The following STARD3NL variants were observed in gnomAD, a reference collection of about 807,000 sequenced individuals.
STARD3NL encodes STARD3 N-terminal like, also known as STARD3 N-terminal-like protein.
In STARD3NL, 17 loss-of-function variants were observed where a neutral mutation model predicts 30.9. The observed-to-expected ratio is 0.55, with a 90% CI of 0.38 to 0.82. The LOEUF is 0.82. Ranked by LOEUF, STARD3NL falls within the 40% of genes least tolerant of loss-of-function variation. The pLI is 0.00. For missense variants in STARD3NL, 234 were observed against 277.6 expected (o/e 0.84, Z 1.12); for synonymous variants, 112 against 100.5 (o/e 1.11, Z -0.69).
intron 7 of STARD3NL, among the ~76,000 whole-genome samples, chr7:38,226,912 T>C (rs1786803836): frequency 6.6e-6 from 1 of 152,138 alleles, no homozygotes; most frequent in South Asian, 2.1e-4. Flanking sequence ...TACTGGGAGG[T>C]TGGAGAAGAA....
At chr7:38,229,643 A>AT (rs1317603454) in intron 8 of STARD3NL, among the ~76,000 whole-genome samples, 6 of 152,322 alleles carry the variant, frequency 3.9e-5, no homozygotes, top group African/African-American at 1.4e-4. Flanking sequence ...GTCACGGCGC[A>AT]TGGAGCCCCA....
chr7:38,221,989 T>G (rs1438288721), intron 7 of STARD3NL, among the ~76,000 whole-genome samples: 1 of 152,200 alleles, frequency 6.6e-6, no homozygotes, highest in Non-Finnish European at 1.5e-5. Context: ...AGAACATCCT[T>G]AGCATGTTCT....
chr7:38,213,159 AT>A (rs776417923), intron 2 of STARD3NL, among the ~76,000 whole-genome samples: 1 of 152,148 alleles, frequency 6.6e-6, no homozygotes, highest in Non-Finnish European at 1.5e-5. Context: ...TGGAATAATC[AT>A]TCTTATAATA....
At chr7:38,184,652 G>A (rs567733382) in intron 1 of STARD3NL, among the ~76,000 whole-genome samples, 188 of 137,792 alleles carry the variant, frequency 1.4e-3, no homozygotes, top group African/African-American at 4.8e-3. Context: ...GTATATAACC[G>A]ATATAGTATA....
chr7:38,181,534 C>G (rs1784245296), intron 1 of STARD3NL, among the ~76,000 whole-genome samples: 1 of 152,164 alleles, frequency 6.6e-6, no homozygotes, highest in Non-Finnish European at 1.5e-5. Context: ...TGAATAATAA[C>G]AGACTAATAA....
At chr7:38,229,205 C>A (rs1480336007) in intron 8 of STARD3NL, among the ~76,000 whole-genome samples, 1 of 152,208 alleles carries the variant, frequency 6.6e-6, no homozygotes, top group Non-Finnish European at 1.5e-5. Context: ...GGACAGCAGT[C>A]CTGTGAGATG....
In STARD3NL at chr7:38,215,254, A is replaced by C. The variant is rs987844083; in HGVS notation, c.381+149A>C. 4.5e-6 allele frequency: 3 copies of C among 665,804 alleles called. No homozygotes were observed. The Admixed American group carries it at 8.4e-5, about 19-fold the overall frequency. 41.2% of individuals were successfully genotyped at this position (665,804 alleles called of 1,614,324 possible). Reference sequence around the variant, plus strand: ...AGTCCCGTTTCCTCCATACTTAAGTAGGTTTAATACTCCAGGGCTTCTTTC... The same window carrying C: ...AGTCCCGTTTCCTCCATACTTAAGTCGGTTTAATACTCCAGGGCTTCTTTC... On this transcript the variant is annotated intron_variant, in intron 4 of 8. Transcript: ENST00000009041.
chr7:38,178,876 AAAG>A (rs1229611504), intron 1 of STARD3NL, among the ~76,000 whole-genome samples: 1,839 of 151,726 alleles, frequency 0.012, 48 homozygotes, highest in African/African-American at 0.042. Context: ...AAAAAAAAAA[AAAG>A]AAAGAAAGCA....
chr7:38,191,980 A>G (rs1784705492), intron 1 of STARD3NL, among the ~76,000 whole-genome samples: 1 of 152,022 alleles, frequency 6.6e-6, no homozygotes, highest in African/African-American at 2.4e-5. Context: ...AGGAGAATTG[A>G]TATCTTAACA....
chr7:38,189,173 A>G (rs1028993465), intron 1 of STARD3NL, among the ~76,000 whole-genome samples: 1 of 152,154 alleles, frequency 6.6e-6, no homozygotes, highest in East Asian at 1.9e-4. Flanking sequence ...AGCATTCAAG[A>G]GTGAGAAGAT....
intron 6 of STARD3NL, among the ~76,000 whole-genome samples, chr7:38,218,089 T>C (rs1465032650): frequency 1.3e-5 from 2 of 152,182 alleles, no homozygotes; most frequent in African/African-American, 4.8e-5. Flanking sequence ...ATGTCCTTAA[T>C]GGAAGCCCAC....
At chr7:38,216,457 CTG>C (rs3217069) in intron 4 of STARD3NL, 33,750 of 148,718 alleles carry the variant, frequency 0.23, 3,757 homozygotes, top group Middle Eastern at 0.26. Context: ...CCAAGCAGCT[CTG>C]TGTGTGTGTG....
At chr7:38,225,030 T>C (rs149748157) in intron 7 of STARD3NL, among the ~76,000 whole-genome samples, 9 of 152,312 alleles carry the variant, frequency 5.9e-5, no homozygotes. Context: ...TGGGGTCTTT[T>C]TGATCATATC....
rs116622525 is a variant in STARD3NL, at chr7:38,191,629, C to T, written c.-59+13209C>T. ...ATCTGGTTGTTTTCTTCACTGTTTGCAGAAAACAGACTTTATTTTCACCAT... is the reference window on the plus strand; with the variant it reads ...ATCTGGTTGTTTTCTTCACTGTTTGTAGAAAACAGACTTTATTTTCACCAT... On this transcript the variant is annotated intron_variant, in intron 1 of 8. Coordinates refer to ENST00000009041, the MANE Select transcript of STARD3NL (RefSeq NM_032016.4). 1.5e-3 allele frequency among the ~76,000 whole-genome samples: 228 copies of T among 152,232 alleles called. 1 individual carries two copies. Among genetic ancestry groups the T allele is most frequent in the African/African-American group, 5.3e-3 (221 of 41,548 alleles).
At chr7:38,212,042 T>C (rs1785838400) in intron 2 of STARD3NL, among the ~76,000 whole-genome samples, 1 of 152,184 alleles carries the variant, frequency 6.6e-6, no homozygotes, top group African/African-American at 2.4e-5. Flanking sequence ...TCATCCAAAC[T>C]GCACTCCTGG....
intron 6 of STARD3NL, among the ~76,000 whole-genome samples, chr7:38,217,573 T>G (rs1786198187): frequency 6.6e-6 from 1 of 152,164 alleles, no homozygotes; most frequent in South Asian, 2.1e-4. Flanking sequence ...ATTCAAGCAA[T>G]AACAAAAAAT....
At chr7:38,202,205 T>A (rs1293248308) in intron 1 of STARD3NL, 1 of 152,226 alleles carries the variant, frequency 6.6e-6, no homozygotes, top group Non-Finnish European at 1.5e-5. Flanking sequence ...TATGTAAGAA[T>A]GCTTTTAATT....
intron 1 of STARD3NL, among the ~76,000 whole-genome samples, chr7:38,190,628 C>A (rs1244078201): frequency 6.6e-6 from 1 of 152,164 alleles, no homozygotes; most frequent in East Asian, 1.9e-4. Flanking sequence ...GGGCACTCTC[C>A]TGCATAACCA....
chr7:38,200,444 C>T (rs1299194616), intron 1 of STARD3NL, among the ~76,000 whole-genome samples: 1 of 116,360 alleles, frequency 8.6e-6, no homozygotes. Flanking sequence ...TCAGGCTAAA[C>T]GTTCTATGTG....
Sources: gnomAD v4.1 joint callset for allele counts (sites outside exome capture counted in the v4.1 genomes callset) on GRCh38, gnomAD v4.1.1 for gene constraint, MANE v1.5 for transcripts, NCBI Gene and HGNC (gene_info 2026-07-23, HGNC 2026-07-21) for gene names.